Variants in CACNA2D4 observed in about 807,000 individuals in gnomAD.
CACNA2D4 encodes the protein calcium voltage-gated channel auxiliary subunit alpha2delta 4.
Under a neutral mutation model 163.8 loss-of-function variants are expected in CACNA2D4, and 157 were observed. The observed-to-expected ratio is 0.96, with a 90% CI of 0.84 to 1.09. CACNA2D4 has a LOEUF of 1.09. Among genes scored for constraint, CACNA2D4 ranks in the 50% least tolerant of loss-of-function variants. The pLI, the probability that CACNA2D4 is intolerant of heterozygous loss-of-function variation, is 0.00. For synonymous variants in CACNA2D4, 598 were observed against 586.9 expected, an observed-to-expected ratio of 1.02 and a Z score of -0.27; for missense variants, 1,410 against 1,479.9, an observed-to-expected ratio of 0.95 and a Z score of 0.78.
At position 1,917,213 on chromosome 12, in the gene CACNA2D4, A is replaced by C. The variant is rs1867008585; in HGVS notation, c.227+1034T>G. ...GGGGCCTCTGTTTCCTCAGCTGCAA[A>C]ATAGGGATAAAAATAAGCCCCCACT... is the stretch of plus-strand genomic sequence containing the variant. On this transcript the variant is annotated intron_variant, in intron 1 of 37. Transcript: ENST00000382722. The surrounding 1 kb of genome is among the most constrained non-coding windows in gnomAD (Gnocchi z 4.3). 6.6e-6 allele frequency among the ~76,000 whole-genome samples: 1 copy of C among 152,092 alleles called. No individual in the cohort carries two copies. The highest frequency in any genetic ancestry group is 1.5e-5 in the Non-Finnish European group (1 of 68,024).
In CACNA2D4 at chr12:1,792,688, A is replaced by T. The variant is rs1047701110; in HGVS notation, c.*967T>A. 6.6e-6 allele frequency: 1 copy of T among 152,128 alleles called. No individual in the cohort carries two copies. Among genetic ancestry groups the T allele is most frequent in the Non-Finnish European group, 1.5e-5 (1 of 68,032 alleles). 9.4% of individuals were successfully genotyped at this position (152,128 alleles called of 1,614,324 possible). ...GTGTGTGCGCTGGGGGTGAGTTCCC[A>T]GATAGAGCTTCCCTCCCAGTGGACC... On this transcript the variant is annotated 3_prime_UTR_variant, in exon 38 of 38. Coordinates refer to ENST00000382722, the MANE Select transcript of CACNA2D4 (RefSeq NM_172364.5).
intron 6 of CACNA2D4, among the ~76,000 whole-genome samples, chr12:1,899,612 G>A (rs1866491274): frequency 6.6e-6 from 1 of 152,106 alleles, no homozygotes; most frequent in Admixed American, 6.6e-5. Context: ...AGCATTACAA[G>A]TGATCAATAA....
Position 1,883,089 on chromosome 12 carries a change from G to T in CACNA2D4, c.1352-89C>A. 7.3e-7 allele frequency: 1 copy of T among 1,378,560 alleles called. No homozygotes were observed. Among genetic ancestry groups the T allele is most frequent in the Non-Finnish European group, 9.9e-7 (1 of 1,009,418 alleles). The allele number at this position is 1,378,560 out of a possible 1,614,324, so 85.4% of individuals were successfully genotyped here. On this transcript the variant is annotated intron_variant, in intron 12 of 37. Coordinates refer to ENST00000382722, the MANE Select transcript of CACNA2D4 (RefSeq NM_172364.5). The surrounding 1 kb of genome is among the most constrained non-coding windows in gnomAD (Gnocchi z 4.5). ...CCTGCACCCTCCCCAGCTGCAGATG[G>T]CTCATAGCCGAATACTCTCTGGAAA...
At chr12:1,854,543 C>T (rs1377026585) in intron 22 of CACNA2D4, among the ~76,000 whole-genome samples, 1 of 152,158 alleles carries the variant, frequency 6.6e-6, no homozygotes. Context: ...GTAGCTGGGA[C>T]CACAGGTGCA....
At chr12:1,894,526 A>G (rs1356511818) in intron 6 of CACNA2D4, among the ~76,000 whole-genome samples, 1 of 152,212 alleles carries the variant, frequency 6.6e-6, no homozygotes, top group African/African-American at 2.4e-5. Flanking sequence ...CAGCACATCA[A>G]AAATATAATA....
chr12:1,830,739 G>A (rs768495342), intron 26 of CACNA2D4, among the ~76,000 whole-genome samples: 2 of 152,216 alleles, frequency 1.3e-5, no homozygotes, highest in Non-Finnish European at 2.9e-5. Context: ...ACTGTGTGAT[G>A]TCCATTAATA....
In CACNA2D4 at chr12:1,858,580, C is replaced by T; in HGVS notation, c.2005G>A (p.Glu669Lys). ...YILLGNTSVE[E>K]GLHDLLHPDL... ...TCAGCCCCTGGTACCGACCCACCTT[C>T]TTCCACAGACGTGTTCCCCAGAAGG... Residue 669 changes from glutamate (E) to lysine (K), a missense_variant, in exon 20 of 38, where the codon GAA (glutamate) becomes AAA (lysine). Coordinates refer to ENST00000382722, the MANE Select transcript of CACNA2D4 (RefSeq NM_172364.5). The T allele has an allele frequency of 1.9e-6, 3 of 1,613,696 alleles. No homozygotes were observed. The highest frequency in any genetic ancestry group is 2.5e-6 in the Non-Finnish European group (3 of 1,179,712).
intron 23 of CACNA2D4, among the ~76,000 whole-genome samples, chr12:1,848,739 T>A (rs560955863): frequency 3.3e-4 from 49 of 146,992 alleles, no homozygotes; most frequent in African/African-American, 1.0e-3. Context: ...TTTTAATATA[T>A]TTCATATGTT....
chr12:1,882,082 T>G (rs920335137), intron 13 of CACNA2D4, among the ~76,000 whole-genome samples: 1 of 152,198 alleles, frequency 6.6e-6, no homozygotes, highest in Non-Finnish European at 1.5e-5. Flanking sequence ...CACAGCCTGA[T>G]GCTTAAGTGT....
chr12:1,838,991 C>T (rs987009645), intron 26 of CACNA2D4, among the ~76,000 whole-genome samples: 11 of 152,316 alleles, frequency 7.2e-5, no homozygotes, highest in Non-Finnish European at 1.3e-4. Context: ...ACCAGTGACA[C>T]CGGGCTTCTA....
chr12:1,845,310 G>C (rs1377947949), intron 24 of CACNA2D4, among the ~76,000 whole-genome samples: 1 of 147,050 alleles, frequency 6.8e-6, no homozygotes. Flanking sequence ...TCCAGTCTTA[G>C]AAGCCTCTGA....
intron 37 of CACNA2D4, among the ~76,000 whole-genome samples, chr12:1,793,966 C>T (rs1045554736): frequency 6.6e-6 from 1 of 152,162 alleles, no homozygotes; most frequent in Non-Finnish European, 1.5e-5. Context: ...CACCGGCCTT[C>T]TCTGCTTGCC....
intron 26 of CACNA2D4, among the ~76,000 whole-genome samples, chr12:1,817,382 A>G (rs1863910573): frequency 6.6e-6 from 1 of 152,024 alleles, no homozygotes; most frequent in South Asian, 2.1e-4. Flanking sequence ...AGTTGACACG[A>G]AGGCACTGGG....
chr12:1,844,449 T>A lies in CACNA2D4; in HGVS notation c.2423A>T (p.His808Leu). 6.2e-7 allele frequency: 1 copy of A among 1,613,676 alleles called. No individual in the cohort carries two copies. The part of the protein sequence containing the change: ...FPLWYRQASE[H>L]PAGSFVFNLR... ...GTTGAAGACGAAGCTGCCAGCAGGA[T>A]GCTCTGAGGCCTGGCGGTACCACAG... The change falls in exon 25 of 38, where the codon CAT (histidine) becomes CTT (leucine). Residue 808 changes from histidine to leucine, a missense_variant. By Grantham distance (99) the His-to-Leu change is moderately conservative. Transcript: ENST00000382722. The surrounding 1 kb of genome is among the most constrained non-coding windows in gnomAD (Gnocchi z 4.2).
chr12:1,884,990 C>G lies in CACNA2D4; in HGVS notation c.1155G>C (p.Lys385Asn). ...CAGGCCTCATTACAGTGGGCACCTG[C>G]TTCAGGATCTGGAAGGCTTCTCTCA... ...QALREAFQIL[K>N]QFQEAKQGSL... The change falls in exon 10 of 38, where the codon AAG becomes AAC. Residue 385 changes from lysine to asparagine, a missense_variant. Coordinates refer to ENST00000382722, the MANE Select transcript of CACNA2D4 (RefSeq NM_172364.5). The G allele has an allele frequency of 6.2e-7, 1 of 1,613,712 alleles. No homozygotes were observed. The highest frequency in any genetic ancestry group is 8.5e-7 in the Non-Finnish European group (1 of 1,179,628).
In CACNA2D4 at chr12:1,828,694, T is replaced by G. The variant is rs1864477892; in HGVS notation, c.2551+12045A>C. Among the ~76,000 whole-genome samples the G allele has an allele frequency of 6.6e-6, 1 of 152,092 alleles. No homozygotes were observed. Among genetic ancestry groups the G allele is most frequent in the Admixed American group, 6.5e-5 (1 of 15,280 alleles). On this transcript the variant is annotated intron_variant, in intron 26 of 37. Transcript: ENST00000382722. The surrounding 1 kb of genome is among the most constrained non-coding windows in gnomAD (Gnocchi z 4.2). ...AGATGTCTCTTATGCTCCTTATGCC[T>G]CCGCTTTCCCAACTCTCGGTAGAGG... is the stretch of plus-strand genomic sequence containing the variant.
chr12:1,862,703 G>A (rs370194374), intron 18 of CACNA2D4, among the ~76,000 whole-genome samples: 25 of 152,306 alleles, frequency 1.6e-4, no homozygotes, highest in Non-Finnish European at 2.5e-4. Context: ...ATGAGCCACC[G>A]TGCCCGGCTA....
At chr12:1,827,981 A>G (rs1864423404) in intron 26 of CACNA2D4, 4 of 475,684 alleles carry the variant, frequency 8.4e-6, no homozygotes, top group Non-Finnish European at 1.5e-5. Flanking sequence ...AGAGGGCATG[A>G]GGAGTGTAAA....
intron 29 of CACNA2D4, among the ~76,000 whole-genome samples, chr12:1,808,145 C>T (rs1024724559): frequency 2.0e-5 from 3 of 152,112 alleles, no homozygotes; most frequent in African/African-American, 4.8e-5. Flanking sequence ...GAGAGGGTCC[C>T]TCGAGGGACC....
Sources: allele counts gnomAD v4.1 joint callset (sites outside exome capture counted in the v4.1 genomes callset), GRCh38; gene constraint gnomAD v4.1.1; non-coding constraint Gnocchi (gnomAD v3.1); transcripts MANE v1.5; gene names NCBI Gene and HGNC (gene_info 2026-07-23, HGNC 2026-07-21).